TDRD12: variants seen among roughly 807,000 people sequenced by gnomAD.
The protein encoded by TDRD12 is tudor domain containing 12.
TDRD12 carries 158 observed loss-of-function variants against 133.5 expected under a neutral mutation model. The observed-to-expected ratio is 1.18, with a 90% CI of 1.04 to 1.35. TDRD12 has a LOEUF of 1.35. TDRD12 is among the 40% of genes most tolerant of loss of function. TDRD12 has a pLI of 0.00. For synonymous variants in TDRD12, 460 were observed against 477.9 expected (o/e 0.96, Z 0.49); for missense variants, 1,443 against 1,321.3 (o/e 1.09, Z -1.43).
chr19:32,720,208 C>G (rs1220590330), intron 1 of TDRD12, 112 bp downstream of exon 1: 1 of 1,238,824 alleles, frequency 8.1e-7, no homozygotes, highest in Admixed American at 2.1e-5. Flanking sequence ...CCTACACCCA[C>G]CGCAGCCCCG....
In TDRD12 at chr19:32,802,770, A is replaced by G. The variant is rs1182169497; in HGVS notation, c.2312A>G (p.Asp771Gly). 10 of 1,536,668 alleles carry G rather than the reference A, an allele frequency of 6.5e-6. No homozygotes were observed. In the East Asian group the frequency reaches 2.4e-4, roughly 38 times the overall value. ...GGTGGACGCCTGTATTGCATGTCTG[A>G]TCATTTTCACGCTGAACAGGTTTGG... is the stretch of plus-strand genomic sequence containing the variant. The change falls in exon 20 of 28, where the codon GAT becomes GGT. Residue 771 changes from aspartate (D) to glycine (G), a missense_variant. Asp to Gly is a moderately conservative substitution (Grantham distance 94). Transcript: ENST00000444215.
rs1966947675 is a variant in TDRD12, at chr19:32,810,089, T to G, written c.2653-4T>G. 3 of 1,504,024 alleles carry G rather than the reference T, an allele frequency of 2.0e-6. No homozygotes were observed. Among genetic ancestry groups the G allele is most frequent in the Non-Finnish European group, 8.9e-7 (1 of 1,127,234 alleles). The allele number at this position is 1,504,024 out of a possible 1,614,324, so 93.2% of individuals were successfully genotyped here. A position where few individuals can be genotyped will look rare whatever the true frequency, so the allele number is the denominator to read the frequency against. On this transcript the variant is annotated splice_region_variant and splice_polypyrimidine_tract_variant and intron_variant, in intron 22 of 27. Transcript: ENST00000444215. Reference sequence around the variant, plus strand: ...CTTGGTCATGTTTACTATATATGTTTCAGATAATACCTTTTTATATTTTGA... The same window carrying G: ...CTTGGTCATGTTTACTATATATGTTGCAGATAATACCTTTTTATATTTTGA...
chr19:32,797,518 T>G (rs1971265446), intron 14 of TDRD12, among the ~76,000 whole-genome samples: 1 of 152,202 alleles, frequency 6.6e-6, no homozygotes. Context: ...AATGAATGCA[T>G]ACGTGTGAAG....
chr19:32,786,229 C>T (rs905432579), intron 11 of TDRD12, among the ~76,000 whole-genome samples: 1 of 152,090 alleles, frequency 6.6e-6, no homozygotes, highest in Non-Finnish European at 1.5e-5. Context: ...GTTGAAAATT[C>T]TTTTCAAGAA....
In TDRD12 at chr19:32,798,203, A is replaced by G. The variant is rs1971285932; in HGVS notation, c.1631-105A>G. On this transcript the variant is annotated intron_variant, in intron 15 of 27. Transcript: ENST00000444215. ...TTGACTAGGACAGAAACAGTGTTTTACTTCATTAGAAGGCATTTCTAGAAA... is the reference window on the plus strand; with the variant it reads ...TTGACTAGGACAGAAACAGTGTTTTGCTTCATTAGAAGGCATTTCTAGAAA... 2.7e-6 allele frequency: 3 copies of G among 1,128,574 alleles called. No homozygotes were observed. The East Asian group carries it at 7.8e-5, about 29-fold the overall frequency. The allele number at this position is 1,128,574 out of a possible 1,614,324, so 69.9% of individuals were successfully genotyped here.
intron 11 of TDRD12, among the ~76,000 whole-genome samples, chr19:32,783,604 T>C (rs1433683213): frequency 6.6e-6 from 1 of 152,216 alleles, no homozygotes; most frequent in Non-Finnish European, 1.5e-5. Context: ...GAGCATGGAA[T>C]GTTTTTCCAT....
At chr19:32,800,666 G>A (rs1355784397) in exon 18 of TDRD12, 3 of 1,535,318 alleles carry the variant, frequency 2.0e-6, no homozygotes, top group East Asian at 2.4e-5. Flanking sequence ...TGCCTAGAAT[G>A]TGAAAAAACT....
chr19:32,742,911 TTTC>T lies in TDRD12; in HGVS notation c.440+14_440+16del. On this transcript the variant is annotated intron_variant, in intron 4 of 27. Coordinates refer to ENST00000444215, the Ensembl canonical transcript of TDRD12. ...CAGTACTGACATTGTGTAAGTACAG[TTTC>T]TTAAGTCCTTCGAATCATTAGTAAA... is the stretch of plus-strand genomic sequence containing the variant. The T allele has an allele frequency of 1.3e-6, 2 of 1,549,434 alleles. No individual in the cohort carries two copies. The highest frequency in any genetic ancestry group is 1.7e-6 in the Non-Finnish European group (2 of 1,146,480).
chr19:32,764,065 A>T (rs1970224913), intron 8 of TDRD12, among the ~76,000 whole-genome samples: 1 of 138,112 alleles, frequency 7.2e-6, no homozygotes, highest in African/African-American at 2.7e-5. Flanking sequence ...AATCTTGGAG[A>T]TTCTAATTGC....
chr19:32,730,933 T>C (rs2145432535), intron 1 of TDRD12, among the ~76,000 whole-genome samples: 1 of 152,288 alleles, frequency 6.6e-6, no homozygotes, highest in East Asian at 1.9e-4. Flanking sequence ...GAGAATTGCT[T>C]GAACCCAGGA....
At chr19:32,747,881 G>A (rs1183464306) in intron 4 of TDRD12, among the ~76,000 whole-genome samples, 1 of 151,964 alleles carries the variant, frequency 6.6e-6, no homozygotes, top group African/African-American at 2.4e-5. Flanking sequence ...TGAGTGTGGT[G>A]GGGCACACCT....
intron 2 of TDRD12, among the ~76,000 whole-genome samples, chr19:32,737,934 G>A (rs12974135): frequency 0.6 from 90,222 of 151,418 alleles, 27,938 homozygotes; most frequent in East Asian, 0.82. Flanking sequence ...GGAGTTCGAG[G>A]CCATCCTGAC....
chr19:32,792,523 A>C (rs915500875), intron 13 of TDRD12, among the ~76,000 whole-genome samples: 3 of 152,228 alleles, frequency 2.0e-5, no homozygotes, highest in Non-Finnish European at 4.4e-5. Context: ...ATAAAAGAGA[A>C]GCTAACTCAG....
At position 32,742,726 on chromosome 19, in the gene TDRD12, A is replaced by C. The variant is rs569304889; in HGVS notation, c.321-55A>C. ...TAATAAAATAGGTATACTTTAACGG[A>C]GTATGTTATATATAATTTTCTATAT... On this transcript the variant is annotated intron_variant, in intron 3 of 27. Coordinates refer to ENST00000444215, the Ensembl canonical transcript of TDRD12. 3.4e-6 allele frequency: 5 copies of C among 1,488,282 alleles called. No individual in the cohort carries two copies. In the South Asian group the frequency reaches 3.8e-5, roughly 11 times the overall value. 92.2% of individuals were successfully genotyped at this position (1,488,282 alleles called of 1,614,324 possible). A position where few individuals can be genotyped will look rare whatever the true frequency, so the allele number is the denominator to read the frequency against.
In TDRD12 at chr19:32,794,645, G is replaced by A. The variant is rs776495080; in HGVS notation, c.1305G>A (p.Lys435=). The A allele has an allele frequency of 2.1e-4, 145 of 702,476 alleles. No homozygotes were observed. In the East Asian group the frequency reaches 3.6e-3, roughly 18 times the overall value. 43.5% of individuals were successfully genotyped at this position (702,476 alleles called of 1,614,324 possible). ...TTTTGTAGGCTCTTCAAAGAAATAAGTTTCCGGGCCCCAGCCACACTGAAT... is the reference window on the plus strand; with the variant it reads ...TTTTGTAGGCTCTTCAAAGAAATAAATTTCCGGGCCCCAGCCACACTGAAT... The change falls in exon 14 of 28, where the codon AAG becomes AAA. Residue 435 remains lysine, a synonymous_variant. Coordinates refer to ENST00000444215, the Ensembl canonical transcript of TDRD12.
intron 25 of TDRD12, among the ~76,000 whole-genome samples, chr19:32,814,655 G>C (rs751981695): frequency 4.6e-5 from 7 of 152,152 alleles, no homozygotes; most frequent in Admixed American, 2.6e-4. Flanking sequence ...AGAGATTGAA[G>C]TAAAAAAGAA....
At chr19:32,744,185 C>T (rs1486989055) in intron 4 of TDRD12, among the ~76,000 whole-genome samples, 1 of 151,870 alleles carries the variant, frequency 6.6e-6, no homozygotes, top group African/African-American at 2.4e-5. Flanking sequence ...AAACCATTTG[C>T]ACAGTACAGT....
intron 1 of TDRD12, among the ~76,000 whole-genome samples, chr19:32,720,842 G>C (rs1968631608): frequency 3.6e-5 from 1 of 27,854 alleles, no homozygotes; most frequent in Non-Finnish European, 6.6e-5. Context: ...GCCCCCACCA[G>C]GGGGCACCCC....
At chr19:32,775,581 C>T (rs942326542) in intron 10 of TDRD12, among the ~76,000 whole-genome samples, 10 of 152,190 alleles carry the variant, frequency 6.6e-5, no homozygotes, top group African/African-American at 2.2e-4. Flanking sequence ...GATCCTCCCG[C>T]CTTGGCTTAC....
Sources: allele counts gnomAD v4.1 joint callset (sites outside exome capture counted in the v4.1 genomes callset), GRCh38; gene constraint gnomAD v4.1.1; transcripts MANE v1.5; gene names NCBI Gene and HGNC (gene_info 2026-07-23, HGNC 2026-07-21).